HPX: variants seen among roughly 807,000 people sequenced by gnomAD.
The protein encoded by HPX is hemopexin.
A neutral mutation model predicts 53.8 loss-of-function variants in HPX; 42 were observed. The ratio of observed to expected loss-of-function variants is 0.78; its 90% CI spans 0.61 to 1.01. The LOEUF is 1.01. Ranked by LOEUF, HPX falls within the 50% of genes least tolerant of loss-of-function variation. The pLI is 0.00. For synonymous variants in HPX, 229 were observed against 221.1 expected, an observed-to-expected ratio of 1.04 and a Z score of -0.32; for missense variants, 547 against 594.3, an observed-to-expected ratio of 0.92 and a Z score of 0.83.
intron 7 of HPX, among the ~76,000 whole-genome samples, chr11:6,433,341 C>T (rs899946573): frequency 2.0e-5 from 3 of 152,196 alleles, no homozygotes; most frequent in Non-Finnish European, 4.4e-5. Flanking sequence ...CCATTCCCAG[C>T]TAATTTTGTA....
intron 7 of HPX, among the ~76,000 whole-genome samples, chr11:6,435,373 G>C (rs891952444): frequency 4.0e-5 from 6 of 151,644 alleles, no homozygotes; most frequent in Non-Finnish European, 7.4e-5. Flanking sequence ...GGGTCATGTT[G>C]GTGATTTTAC....
chr11:6,437,355 A>C, intron 6 of HPX, 85 bp downstream of exon 6: 1 of 1,415,390 alleles, frequency 7.1e-7, no homozygotes, highest in Non-Finnish European at 1.0e-6. Flanking sequence ...CACGGAGTTA[A>C]AGTGAGAGCT....
Position 6,440,183 on chromosome 11 carries a change from G to A in HPX, c.318C>T (p.Asn106=). Residue 106 remains asparagine (N), a synonymous_variant, in exon 4 of 10, where the codon AAC becomes AAT. Transcript: ENST00000265983. ...GCAGTACCTTGATCAGAAAGACACTGTTGTGACCTTGACGGAATGCAGCAT... is the reference window on the plus strand; with the variant it reads ...GCAGTACCTTGATCAGAAAGACACTATTGTGACCTTGACGGAATGCAGCAT... ...PVDAAFRQGH[N]SVFLIKGDKV... 6.2e-7 allele frequency: 1 copy of A among 1,614,126 alleles called. No homozygotes were observed. Among genetic ancestry groups the A allele is most frequent in the Non-Finnish European group, 8.5e-7 (1 of 1,180,042 alleles).
intron 2 of HPX, 61 bp from the exon 3 acceptor site, chr11:6,440,599 A>C (rs1778454829): frequency 6.3e-6 from 7 of 1,106,322 alleles, no homozygotes; most frequent in South Asian, 2.8e-5. Flanking sequence ...AAAAAAAAAA[A>C]AAAACCAGAA....
Position 6,440,948 on chromosome 11 carries a change from C to T in HPX, c.16G>A (p.Gly6Arg), listed in dbSNP as rs538341644. 1.2e-6 allele frequency: 2 copies of T among 1,606,710 alleles called. No individual in the cohort carries two copies. The highest frequency in any genetic ancestry group is 1.1e-5 in the South Asian group (1 of 89,982). Residue 6 changes from glycine to arginine, a missense_variant, in exon 1 of 10, where the codon GGA (glycine) becomes AGA (arginine). Coordinates refer to ENST00000265983, the MANE Select transcript of HPX (RefSeq NM_000613.3). Reference sequence around the variant, plus strand: ...CACAACCCCAGTGCAACGGGTGCTCCCAGTACCCTAGCCATGCTGAGCTGC... The same window carrying T: ...CACAACCCCAGTGCAACGGGTGCTCTCAGTACCCTAGCCATGCTGAGCTGC... MARVLGAPVALGLWSL... is the reference protein window; with the variant it reads MARVLRAPVALGLWSL...
chr11:6,433,044 C>A (rs1391194112), intron 7 of HPX, among the ~76,000 whole-genome samples: 2 of 152,196 alleles, frequency 1.3e-5, no homozygotes, highest in East Asian at 3.8e-4. Context: ...TTCTGCCCCC[C>A]ACCAACACAC....
At chr11:6,432,337 G>T (rs1403030981) in intron 7 of HPX, 11 of 345,612 alleles carry the variant, frequency 3.2e-5, no homozygotes, top group Non-Finnish European at 5.9e-5. Context: ...CAGAGATGCG[G>T]TTATAGATAA....
intron 3 of HPX, 63 bp from the exon 4 acceptor site, chr11:6,440,349 G>T: frequency 6.2e-7 from 1 of 1,605,518 alleles, no homozygotes; most frequent in Non-Finnish European, 8.5e-7. Flanking sequence ...GAGATAGCTT[G>T]AGAGAAGCTG....
At chr11:6,437,779 G>T in intron 5 of HPX, 127 bp from the exon 6 acceptor site, 1 of 701,860 alleles carries the variant, frequency 1.4e-6, no homozygotes, top group Admixed American at 2.2e-5. Flanking sequence ...TCAGAGAGAT[G>T]GCTAAAGGAG....
At chr11:6,437,944 A>C in intron 5 of HPX, 2 of 543,808 alleles carry the variant, frequency 3.7e-6, no homozygotes, top group Non-Finnish European at 6.6e-6. Context: ...GGAACCCCAG[A>C]GAGAGGAAAG....
At chr11:6,440,633 C>T (rs1564956689) in intron 2 of HPX, 39 bp downstream of exon 2, 10 of 1,481,064 alleles carry the variant, frequency 6.8e-6, no homozygotes, top group Non-Finnish European at 9.3e-6. Context: ...AGAGACACAA[C>T]CAGACAGATA....
Position 6,431,819 on chromosome 11 carries a change from T to C in HPX, c.967-16A>G, listed in dbSNP as rs2134131192. The stretch of plus-strand genomic sequence containing the variant: ...CCTGGGTGCCCTGGAGGACAAAGGA[T>C]GGTAATAAATACAGAGTTGGATATG... On this transcript the variant is annotated splice_polypyrimidine_tract_variant and intron_variant, in intron 8 of 9. Transcript: ENST00000265983. 1 of 1,614,012 alleles carries C rather than the reference T, an allele frequency of 6.2e-7. No homozygotes were observed.
chr11:6,437,397 G>C, intron 6 of HPX, 43 bp downstream of exon 6: 10 of 1,556,552 alleles, frequency 6.4e-6, no homozygotes, highest in Non-Finnish European at 8.9e-6. Context: ...CTCAGGGAAA[G>C]TGGATGAATT....
intron 7 of HPX, among the ~76,000 whole-genome samples, chr11:6,433,713 C>G (rs944306189): frequency 6.6e-6 from 1 of 152,202 alleles, no homozygotes; most frequent in African/African-American, 2.4e-5. Context: ...CAGCCCTGCT[C>G]AAGACTTTCT....
At chr11:6,435,447 G>C (rs1028049468) in intron 7 of HPX, among the ~76,000 whole-genome samples, 1 of 151,450 alleles carries the variant, frequency 6.6e-6, no homozygotes, top group Non-Finnish European at 1.5e-5. Context: ...TTGTTTGTTT[G>C]TTTGTTTTGT....
intron 7 of HPX, 147 bp from the exon 8 acceptor site, chr11:6,432,164 A>C: frequency 1.2e-6 from 1 of 850,748 alleles, no homozygotes; most frequent in Non-Finnish European, 1.8e-6. Context: ...GGAGAAATAG[A>C]GCAAGACTTG....
rs116476039 is a variant in HPX, at chr11:6,431,791, A to G, written c.979T>C (p.Tyr327His). 86 of 1,614,134 alleles carry G rather than the reference A, an allele frequency of 5.3e-5. No individual in the cohort carries two copies. In the African/African-American group the frequency reaches 1.0e-3, roughly 19 times the overall value. Residue 327 changes from tyrosine to histidine, a missense_variant, in exon 9 of 10, where the codon TAT (tyrosine) becomes CAT (histidine). By Grantham distance (83) the Tyr-to-His change is moderately conservative (BLOSUM62 2). Coordinates refer to ENST00000265983, the MANE Select transcript of HPX (RefSeq NM_000613.3). ...KLYLVQGTQV[Y>H]VFLTKGGYTL... The stretch of plus-strand genomic sequence containing the variant: ...TAGCCTCCCTTTGTCAGGAAGACAT[A>G]TACCTGGGTGCCCTGGAGGACAAAG...
At chr11:6,436,241 A>T (rs945008559) in intron 7 of HPX, among the ~76,000 whole-genome samples, 2 of 152,272 alleles carry the variant, frequency 1.3e-5, no homozygotes, top group South Asian at 4.1e-4. Context: ...GAGCCAAAAA[A>T]ATTTTGTGTG....
intron 8 of HPX, 23 bp downstream of exon 8, chr11:6,431,864 C>G: frequency 6.2e-7 from 1 of 1,613,994 alleles, no homozygotes; most frequent in South Asian, 1.1e-5. Flanking sequence ...GTCTCTACCT[C>G]AAGCCTCTCC....
Sources: gnomAD v4.1 joint callset for allele counts (sites outside exome capture counted in the v4.1 genomes callset) on GRCh38, gnomAD v4.1.1 for gene constraint, MANE v1.5 for transcripts, NCBI Gene and HGNC (gene_info 2026-07-23, HGNC 2026-07-21) for gene names.